Variants in MON2 observed in about 807,000 individuals in gnomAD.
MON2 encodes protein MON2 homolog.
In MON2, 84 loss-of-function variants were observed where a neutral mutation model predicts 208.6. That is an observed-to-expected ratio of 0.40 (90% CI 0.34 to 0.48). The LOEUF (loss-of-function observed/expected upper bound fraction) is 0.48, where lower values mean the gene tolerates loss of function less well. Ranked by LOEUF, MON2 falls within the 20% of genes least tolerant of loss-of-function variation. The pLI is 0.59. For synonymous variants in MON2, 660 were observed against 694.0 expected (o/e 0.95, Z 0.77); for missense variants, 1,611 against 2,015.4 (o/e 0.80, Z 3.84).
At chr12:62,480,684 T>C (rs2069370505) in intron 1 of MON2, among the ~76,000 whole-genome samples, 1 of 152,260 alleles carries the variant, frequency 6.6e-6, no homozygotes, top group South Asian at 2.1e-4. Flanking sequence ...ATCAGGACTA[T>C]GGCGAATTTG....
At chr12:62,484,263 A>G in intron 2 of MON2, 30 bp downstream of exon 2, 1 of 1,444,082 alleles carries the variant, frequency 6.9e-7, no homozygotes, top group Non-Finnish European at 9.5e-7. Flanking sequence ...ATTTAATAAT[A>G]AACAAAAATT....
At position 62,566,034 on chromosome 12, in the gene MON2, G is replaced by A; in HGVS notation, c.4194+3G>A. The A allele has an allele frequency of 1.2e-6, 2 of 1,610,936 alleles. No individual in the cohort carries two copies. Among genetic ancestry groups the A allele is most frequent in the East Asian group, 2.2e-5 (1 of 44,752 alleles). On this transcript the variant is annotated splice_donor_region_variant and intron_variant, in intron 28 of 34. Transcript: ENST00000393630. ...AATAGATCCAACTATTTGCACCGGT[G>A]AGTTAAATTTCCTAAAATTGTCCTA...
intron 8 of MON2, among the ~76,000 whole-genome samples, chr12:62,512,178 T>C (rs1266444961): frequency 6.6e-6 from 1 of 152,088 alleles, no homozygotes; most frequent in Non-Finnish European, 1.5e-5. Flanking sequence ...CCAAGTCTCA[T>C]AGGTCCTCAT....
chr12:62,527,953 T>C (rs1281714130), intron 11 of MON2, among the ~76,000 whole-genome samples: 1 of 152,176 alleles, frequency 6.6e-6, no homozygotes, highest in African/African-American at 2.4e-5. Flanking sequence ...TTATTGATAC[T>C]GGATTTTAAC....
chr12:62,531,916 C>A (rs1414656009), intron 11 of MON2, among the ~76,000 whole-genome samples: 2 of 152,126 alleles, frequency 1.3e-5, no homozygotes, highest in East Asian at 3.9e-4. Flanking sequence ...ACTACAGGCA[C>A]CTGCCACCAC....
At chr12:62,479,508 G>A (rs2069283048) in intron 1 of MON2, among the ~76,000 whole-genome samples, 1 of 150,218 alleles carries the variant, frequency 6.7e-6, no homozygotes, top group Admixed American at 6.7e-5. Context: ...ACGGAGGCCT[G>A]GCTGTATGGT....
chr12:62,560,452 C>A, intron 25 of MON2, 39 bp from the exon 26 acceptor site: 1 of 1,541,174 alleles, frequency 6.5e-7, no homozygotes. Context: ...AATTTGATCG[C>A]TTTTATGATA....
Position 62,538,344 on chromosome 12 carries a change from A to C in MON2, c.2273+19A>C, listed in dbSNP as rs749637963. ...GCTCACAGTAAGAGTCAGTTTTTTT[A>C]ATTGATAAAAACATTGTTATTTGTT... On this transcript the variant is annotated intron_variant, in intron 18 of 34. Transcript: ENST00000393630. 2 of 1,598,712 alleles carry C rather than the reference A, an allele frequency of 1.3e-6. No individual in the cohort carries two copies. Among genetic ancestry groups the C allele is most frequent in the East Asian group, 4.5e-5 (2 of 44,780 alleles).
intron 32 of MON2, among the ~76,000 whole-genome samples, chr12:62,584,705 C>CAAA (rs1226172058): frequency 0.017 from 1,235 of 70,842 alleles, 5 homozygotes; most frequent in East Asian, 0.024. Flanking sequence ...TCTGTCTCAA[C>CAAA]AAAAAAAAAA....
chr12:62,565,828 A>G (rs919532306), intron 27 of MON2, 186 bp from the exon 28 acceptor site: 4 of 544,028 alleles, frequency 7.4e-6, no homozygotes, highest in Non-Finnish European at 9.7e-6. Flanking sequence ...TGGATTTTAT[A>G]TAAAATATTT....
chr12:62,472,960 A>C (rs1340506169), intron 1 of MON2, among the ~76,000 whole-genome samples: 1 of 152,076 alleles, frequency 6.6e-6, no homozygotes, highest in Non-Finnish European at 1.5e-5. Context: ...TCTAACTTAT[A>C]AGCCAAAAAG....
At chr12:62,534,768 T>A in intron 12 of MON2, 77 bp from the exon 13 acceptor site, 1 of 1,038,124 alleles carries the variant, frequency 9.6e-7, no homozygotes. Flanking sequence ...TCTGGGAAAA[T>A]TTTAGAATTT....
At chr12:62,522,341 A>AT (rs1421447698) in intron 8 of MON2, among the ~76,000 whole-genome samples, 3 of 152,228 alleles carry the variant, frequency 2.0e-5, no homozygotes, top group African/African-American at 7.2e-5. Context: ...TACCAAATCT[A>AT]TTAGCTCCAA....
intron 8 of MON2, among the ~76,000 whole-genome samples, chr12:62,519,975 C>G (rs1392532292): frequency 6.6e-6 from 1 of 152,178 alleles, no homozygotes; most frequent in African/African-American, 2.4e-5. Flanking sequence ...GCCACCACGC[C>G]CGGCTAATTT....
At chr12:62,490,984 C>T (rs1259285632) in intron 2 of MON2, among the ~76,000 whole-genome samples, 3 of 152,092 alleles carry the variant, frequency 2.0e-5, no homozygotes, top group African/African-American at 7.2e-5. Flanking sequence ...GATTGGTATG[C>T]ATCTTGCAGT....
In MON2 at chr12:62,597,723, T is replaced by A. The variant is rs903710760; in HGVS notation, c.*4974T>A. The A allele has an allele frequency of 3.3e-5, 5 of 152,166 alleles. No homozygotes were observed. The highest frequency in any genetic ancestry group is 9.7e-5 in the African/African-American group (4 of 41,432). The allele number at this position is 152,166 out of a possible 1,614,324, so 9.4% of individuals were successfully genotyped here. A position where few individuals can be genotyped will look rare whatever the true frequency, so the allele number is the denominator to read the frequency against. On this transcript the variant is annotated 3_prime_UTR_variant, in exon 35 of 35. Transcript: ENST00000393630. ...CTGTTATGTGGGTAGAGAGATTATATATCTTTTCTCAAAGTAAAGTATTTA... is the reference window on the plus strand; with the variant it reads ...CTGTTATGTGGGTAGAGAGATTATAAATCTTTTCTCAAAGTAAAGTATTTA...
intron 34 of MON2, chr12:62,588,784 C>T: frequency 1.3e-6 from 1 of 792,314 alleles, no homozygotes; most frequent in Non-Finnish European, 2.0e-6. Flanking sequence ...TTTCATTTCC[C>T]CTACTCTGCA....
At chr12:62,538,382 T>A in intron 18 of MON2, 33 bp from the exon 19 acceptor site, 1 of 1,589,500 alleles carries the variant, frequency 6.3e-7, no homozygotes, top group Non-Finnish European at 8.6e-7. Flanking sequence ...ATATTTTAGA[T>A]CAAGATGTCT....
intron 7 of MON2, among the ~76,000 whole-genome samples, chr12:62,506,275 A>C (rs2071093855): frequency 6.6e-6 from 1 of 152,236 alleles, no homozygotes; most frequent in African/African-American, 2.4e-5. Context: ...ATTTTGGAGG[A>C]AAGAATGAAA....
Sources: allele counts gnomAD v4.1 joint callset (sites outside exome capture counted in the v4.1 genomes callset), GRCh38; gene constraint gnomAD v4.1.1; transcripts MANE v1.5; gene names NCBI Gene and HGNC (gene_info 2026-07-23, HGNC 2026-07-21).